The following COL26A1 variants were observed in gnomAD, a reference collection of about 807,000 sequenced individuals.
The protein encoded by COL26A1 is collagen alpha-1(XXVI) chain.
In COL26A1, 41 loss-of-function variants were observed where a neutral mutation model predicts 59.3. The observed-to-expected ratio is 0.69, with a 90% CI of 0.54 to 0.90. COL26A1 has a LOEUF of 0.90. Ranked by LOEUF, COL26A1 falls within the 40% of genes least tolerant of loss-of-function variation. COL26A1 has a pLI of 0.00. For synonymous variants in COL26A1, 266 were observed against 256.0 expected (o/e 1.04, Z -0.37); for missense variants, 612 against 602.3 (o/e 1.02, Z -0.17).
chr7:101,382,368 G>T (rs1049169463), intron 1 of COL26A1, among the ~76,000 whole-genome samples: 2 of 152,142 alleles, frequency 1.3e-5, no homozygotes, highest in African/African-American at 2.4e-5. Context: ...AGGCTGTGAG[G>T]TAGGGATTTA....
intron 2 of COL26A1, among the ~76,000 whole-genome samples, chr7:101,434,511 C>T (rs554185394): frequency 1.3e-5 from 2 of 152,066 alleles, no homozygotes; most frequent in East Asian, 3.9e-4. Context: ...ATCCTCCCGC[C>T]TCTATCTCTC....
At chr7:101,394,585 CTTTTT>C (rs59966789) in intron 1 of COL26A1, among the ~76,000 whole-genome samples, 6 of 122,792 alleles carry the variant, frequency 4.9e-5, no homozygotes, top group African/African-American at 9.2e-5. Flanking sequence ...TTTTTCTTTT[CTTTTT>C]TTTTTTTTTT....
intron 4 of COL26A1, among the ~76,000 whole-genome samples, chr7:101,537,204 T>C (rs1433352623): frequency 6.6e-6 from 1 of 152,206 alleles, no homozygotes; most frequent in African/African-American, 2.4e-5. Context: ...GGTCCAGGAT[T>C]TCTGCCACCC....
At chr7:101,485,845 T>C (rs1442367852) in intron 3 of COL26A1, among the ~76,000 whole-genome samples, 1 of 152,034 alleles carries the variant, frequency 6.6e-6, no homozygotes, top group African/African-American at 2.4e-5. Context: ...CCATCCTGTC[T>C]CTCAACCTCT....
chr7:101,458,863 A>G (rs1793542183), intron 3 of COL26A1, among the ~76,000 whole-genome samples: 1 of 148,182 alleles, frequency 6.7e-6, no homozygotes, highest in Non-Finnish European at 1.5e-5. Context: ...GTGCAGTGGC[A>G]TGATCATAGC....
At chr7:101,386,273 T>TTTTAA (rs1791574705) in intron 1 of COL26A1, among the ~76,000 whole-genome samples, 2 of 148,924 alleles carry the variant, frequency 1.3e-5, no homozygotes, top group Non-Finnish European at 3.0e-5. Context: ...TTTTTTTTTT[T>TTTTAA]TTTTTTTAAT....
intron 3 of COL26A1, among the ~76,000 whole-genome samples, chr7:101,515,571 A>ACCATGCCTGTAATGGTG (rs1554426177): frequency 2.1e-5 from 3 of 140,764 alleles, no homozygotes; most frequent in African/African-American, 8.1e-5. Flanking sequence ...GGCATGAGCC[A>ACCATGCCTGTAATGGTG]CCATGTCTGG....
intron 1 of COL26A1, among the ~76,000 whole-genome samples, chr7:101,368,259 C>T (rs186586680): frequency 6.6e-5 from 10 of 152,282 alleles, no homozygotes; most frequent in East Asian, 1.9e-4. Flanking sequence ...CTTTTTCTCT[C>T]GTGATGCTTG....
At chr7:101,408,086 T>G (rs887046679) in intron 1 of COL26A1, among the ~76,000 whole-genome samples, 1 of 152,190 alleles carries the variant, frequency 6.6e-6, no homozygotes, top group Non-Finnish European at 1.5e-5. Flanking sequence ...TTGAATTCTT[T>G]CCTAGGCTAA....
At chr7:101,539,669 C>T (rs1208885122) in intron 4 of COL26A1, among the ~76,000 whole-genome samples, 2 of 152,136 alleles carry the variant, frequency 1.3e-5, no homozygotes, top group Non-Finnish European at 2.9e-5. Context: ...ACTCCTTGAA[C>T]CTGAGGGTCC....
At chr7:101,541,740 C>A (rs1033832520) in intron 5 of COL26A1, among the ~76,000 whole-genome samples, 2 of 152,144 alleles carry the variant, frequency 1.3e-5, no homozygotes, top group Admixed American at 6.5e-5. Context: ...GCTGTAATTA[C>A]CTTTGCTTTA....
intron 2 of COL26A1, among the ~76,000 whole-genome samples, chr7:101,426,546 G>A (rs996096694): frequency 6.6e-6 from 1 of 152,116 alleles, no homozygotes; most frequent in African/African-American, 2.4e-5. Context: ...AAGGGGATGG[G>A]ACACAGTTTT....
intron 1 of COL26A1, among the ~76,000 whole-genome samples, 175 bp from the exon 2 acceptor site, chr7:101,419,802 G>C (rs1019060551): frequency 1.3e-5 from 2 of 152,186 alleles, no homozygotes; most frequent in African/African-American, 4.8e-5. Flanking sequence ...AGGGTTGCAA[G>C]TGTTCTCTCT....
chr7:101,392,196 C>T (rs995882840), intron 1 of COL26A1, among the ~76,000 whole-genome samples: 4 of 151,956 alleles, frequency 2.6e-5, no homozygotes, highest in Non-Finnish European at 4.4e-5. Context: ...GTGAGGGTGG[C>T]GGGTGCACAG....
intron 5 of COL26A1, among the ~76,000 whole-genome samples, chr7:101,543,775 C>T (rs567120740): frequency 1.9e-4 from 29 of 152,316 alleles, no homozygotes; most frequent in Non-Finnish European, 3.5e-4. Flanking sequence ...AAAATGGGAA[C>T]GAAAGCAGTT....
chr7:101,425,355 G>A (rs1053211628), intron 2 of COL26A1, among the ~76,000 whole-genome samples: 5 of 152,126 alleles, frequency 3.3e-5, no homozygotes, highest in African/African-American at 1.2e-4. Flanking sequence ...TCGTCTGCCC[G>A]CTCTGCTAGT....
chr7:101,548,724 C>T (rs913458484), intron 8 of COL26A1, among the ~76,000 whole-genome samples: 2 of 151,952 alleles, frequency 1.3e-5, no homozygotes, highest in African/African-American at 4.8e-5. Context: ...TGTAACTGGG[C>T]TTGGATTTTT....
At chr7:101,395,467 C>A (rs1345903725) in intron 1 of COL26A1, among the ~76,000 whole-genome samples, 2 of 152,208 alleles carry the variant, frequency 1.3e-5, no homozygotes, top group African/African-American at 2.4e-5. Context: ...GTGCCTTAGG[C>A]AGGCCCTCCG....
At position 101,424,799 on chromosome 7, in the gene COL26A1, A is replaced by G. The variant is rs1418370135; in HGVS notation, c.281+4700A>G. Among the ~76,000 whole-genome samples, 6 of 152,200 alleles carry G rather than the reference A, an allele frequency of 3.9e-5. No homozygotes were observed. The East Asian group carries it at 1.2e-3, about 29-fold the overall frequency. The stretch of plus-strand genomic sequence containing the variant: ...GGGGTTCCATATGCATTCCTGTCTC[A>G]GGTCCTGGTTTTGCTGGCCTTGCCT... On this transcript the variant is annotated intron_variant, in intron 2 of 12. Coordinates refer to ENST00000313669, the MANE Select transcript of COL26A1 (RefSeq NM_001278563.3).
Sources: gnomAD v4.1 joint callset for allele counts (sites outside exome capture counted in the v4.1 genomes callset) on GRCh38, gnomAD v4.1.1 for gene constraint, MANE v1.5 for transcripts, NCBI Gene and HGNC (gene_info 2026-07-23, HGNC 2026-07-21) for gene names.